Variants in NWD2 observed in about 807,000 individuals in gnomAD.
The protein encoded by NWD2 is NACHT and WD repeat domain containing 2, also known as NACHT and WD repeat domain-containing protein 2.
In NWD2, 37 loss-of-function variants were observed where a neutral mutation model predicts 132.7. The observed-to-expected ratio is 0.28, with a 90% CI of 0.21 to 0.37. The LOEUF (loss-of-function observed/expected upper bound fraction) is 0.37. Among genes scored for constraint, NWD2 ranks in the 10% least tolerant of loss-of-function variants. The probability of loss-of-function intolerance (pLI) is 1.00; values close to 1 mark genes in which losing one functional copy is unlikely to be tolerated. For missense variants in NWD2, 1,592 were observed against 2,122.4 expected, an observed-to-expected ratio of 0.75 and a Z score of 4.91; for synonymous variants, 705 against 803.0, an observed-to-expected ratio of 0.88 and a Z score of 2.06.
intron 3 of NWD2, among the ~76,000 whole-genome samples, chr4:37,421,431 T>C (rs1472673995): frequency 6.6e-6 from 1 of 152,228 alleles, no homozygotes; most frequent in Non-Finnish European, 1.5e-5. Flanking sequence ...TTCAGTGTTT[T>C]CCAAGTAATG....
intron 3 of NWD2, among the ~76,000 whole-genome samples, chr4:37,424,425 T>C (rs777958049): frequency 2.0e-5 from 3 of 152,164 alleles, no homozygotes; most frequent in Non-Finnish European, 4.4e-5. Flanking sequence ...CTGGGAGCCT[T>C]AGTGTCTCTC....
intron 2 of NWD2, among the ~76,000 whole-genome samples, chr4:37,328,779 G>C (rs2109289065): frequency 6.6e-6 from 1 of 152,200 alleles, no homozygotes; most frequent in East Asian, 1.9e-4. Flanking sequence ...TGCTGTTCTT[G>C]TGACCCATCC....
At position 37,430,795 on chromosome 4, in the gene NWD2, A is replaced by G; in HGVS notation, c.561+20A>G. ...AATGCAGTAAGCTGCCTTTCCCTCA[A>G]GCCTATGGATCTGTCCATTACTACA... is the stretch of plus-strand genomic sequence containing the variant. On this transcript the variant is annotated intron_variant, in intron 4 of 6. Transcript: ENST00000309447. The G allele has an allele frequency of 1.3e-6, 2 of 1,540,350 alleles. No individual in the cohort carries two copies. Among genetic ancestry groups the G allele is most frequent in the Non-Finnish European group, 8.8e-7 (1 of 1,137,070 alleles).
intron 3 of NWD2, among the ~76,000 whole-genome samples, chr4:37,375,188 A>C (rs2109306659): frequency 6.6e-6 from 1 of 152,288 alleles, no homozygotes; most frequent in African/African-American, 2.4e-5. Flanking sequence ...AACTAGCATA[A>C]CCCTGACTCC....
At position 37,310,127 on chromosome 4, in the gene NWD2, C is replaced by T. The variant is rs115719727; in HGVS notation, c.152-15809C>T. Among the ~76,000 whole-genome samples, 961 of 152,136 alleles carry T rather than the reference C, an allele frequency of 6.3e-3. 5 individuals carry two copies. Among genetic ancestry groups the T allele is most frequent in the African/African-American group, 0.022 (919 of 41,498 alleles). ...ACTTTGTCTCCAATCTACCATGTAC[C>T]CACAAATGACAAAATGATACTTAAA... On this transcript the variant is annotated intron_variant, in intron 1 of 6. Coordinates refer to ENST00000309447, the MANE Select transcript of NWD2 (RefSeq NM_001144990.2).
intron 1 of NWD2, among the ~76,000 whole-genome samples, chr4:37,262,388 A>C (rs766779630): frequency 2.0e-4 from 31 of 152,278 alleles, no homozygotes; most frequent in South Asian, 4.1e-4. Context: ...CCACACCTTC[A>C]TCAGCACTAC....
At chr4:37,328,799 C>G (rs911891338) in intron 2 of NWD2, among the ~76,000 whole-genome samples, 1 of 152,090 alleles carries the variant, frequency 6.6e-6, no homozygotes, top group African/African-American at 2.4e-5. Flanking sequence ...CTAAAGTAAC[C>G]ACCTCTCTTT....
At chr4:37,419,633 A>G (rs1192291398) in intron 3 of NWD2, among the ~76,000 whole-genome samples, 1 of 152,220 alleles carries the variant, frequency 6.6e-6, no homozygotes, top group Non-Finnish European at 1.5e-5. Flanking sequence ...TTTAAAAACC[A>G]CTTGAAAATA....
chr4:37,256,174 G>T (rs1577645732), intron 1 of NWD2, among the ~76,000 whole-genome samples: 1 of 152,176 alleles, frequency 6.6e-6, no homozygotes, highest in Admixed American at 6.5e-5. Flanking sequence ...GTGGAATGAG[G>T]GCTGGTCTGT....
chr4:37,306,654 A>C (rs1412895377), intron 1 of NWD2, among the ~76,000 whole-genome samples: 2 of 152,184 alleles, frequency 1.3e-5, no homozygotes, highest in African/African-American at 4.8e-5. Context: ...GTAGTATGAA[A>C]AGATACTTGA....
rs542952449 is a variant in NWD2 at position 37,256,896 on chromosome 4, C to A, written c.151+11678C>A. 9.9e-5 allele frequency among the ~76,000 whole-genome samples: 15 copies of A among 152,204 alleles called. No homozygotes were observed. In the South Asian group the frequency reaches 3.1e-3, roughly 32 times the overall value. ...GGAAATTTAGGGTTTTGCAATCTGG[C>A]CCTAGAAATTTGGGGCTCTCTTATT... On this transcript the variant is annotated intron_variant, in intron 1 of 6. Coordinates refer to ENST00000309447, the MANE Select transcript of NWD2 (RefSeq NM_001144990.2).
chr4:37,360,133 TAAC>T (rs1328039906), intron 3 of NWD2, among the ~76,000 whole-genome samples: 1 of 152,158 alleles, frequency 6.6e-6, no homozygotes, highest in Admixed American at 6.5e-5. Flanking sequence ...GGGAAAATAA[TAAC>T]AATAAACTAA....
At chr4:37,254,942 A>G (rs1429785403) in intron 1 of NWD2, among the ~76,000 whole-genome samples, 6 of 152,220 alleles carry the variant, frequency 3.9e-5, no homozygotes, top group Non-Finnish European at 8.8e-5. Flanking sequence ...ACAAAATTGA[A>G]AGCATATCCT....
Position 37,388,680 on chromosome 4 carries a change from C to CGTATATATCATATATAAATATATATT in NWD2, c.357+32221_357+32222insATTGTATATATCATATATAAATATAT, listed in dbSNP as rs1397452239. 1.7e-3 allele frequency among the ~76,000 whole-genome samples: 248 copies of CGTATATATCATATATAAATATATATT among 142,604 alleles called. 3 individuals are homozygous for CGTATATATCATATATAAATATATATT. The highest frequency in any genetic ancestry group is 3.6e-3 in the Middle Eastern group (1 of 274). 93.6% of individuals were successfully genotyped at this position (142,604 alleles called of 152,430 possible). On this transcript the variant is annotated intron_variant, in intron 3 of 6. Transcript: ENST00000309447. ...ATATATATCATATATAAATATATAT[C>CGTATATATCATATATAAATATATATT]GTATATATCATATATAAATATATGA...
chr4:37,352,971 T>C lies in NWD2; in HGVS notation c.241-3395T>C, dbSNP rs1054204694. On this transcript the variant is annotated intron_variant, in intron 2 of 6. Coordinates refer to ENST00000309447, the MANE Select transcript of NWD2 (RefSeq NM_001144990.2). ...TGTCAATCGTCTTTACAATTTGGTA[T>C]GTTTTTACAGTGGCTTGTACTGGTT... Among the ~76,000 whole-genome samples, 6 of 152,238 alleles carry C rather than the reference T, an allele frequency of 3.9e-5. 1 individual carries two copies. The highest frequency in any genetic ancestry group is 4.1e-4 in the South Asian group (2 of 4,836).
At chr4:37,438,734 T>C (rs1712394436) in intron 5 of NWD2, 67 bp from the exon 6 acceptor site, 1 of 1,031,016 alleles carries the variant, frequency 9.7e-7, no homozygotes. Context: ...AAGTGTTGAC[T>C]ATTGAGAATG....
At chr4:37,329,834 A>G (rs1200172136) in intron 2 of NWD2, among the ~76,000 whole-genome samples, 1 of 152,202 alleles carries the variant, frequency 6.6e-6, no homozygotes, top group Non-Finnish European at 1.5e-5. Flanking sequence ...CAAAGCAGGA[A>G]AATAGTGCAA....
At chr4:37,415,020 T>A (rs945710197) in intron 3 of NWD2, among the ~76,000 whole-genome samples, 1 of 152,208 alleles carries the variant, frequency 6.6e-6, no homozygotes, top group African/African-American at 2.4e-5. Context: ...TTAATAAAAG[T>A]TAAACTACAT....
chr4:37,315,300 A>C (rs1292358335), intron 1 of NWD2, among the ~76,000 whole-genome samples: 1 of 152,074 alleles, frequency 6.6e-6, no homozygotes, highest in Admixed American at 6.6e-5. Flanking sequence ...ACTGCTTGAT[A>C]GTGGTGTTCA....
Sources: allele counts gnomAD v4.1 joint callset (sites outside exome capture counted in the v4.1 genomes callset), GRCh38; gene constraint gnomAD v4.1.1; transcripts MANE v1.5; gene names NCBI Gene and HGNC (gene_info 2026-07-23, HGNC 2026-07-21).